The following EXO1 variants were observed in gnomAD, a reference collection of about 807,000 sequenced individuals.
The protein encoded by EXO1 is exonuclease 1.
EXO1 carries 69 observed loss-of-function variants against 84.5 expected under a neutral mutation model. That is an observed-to-expected ratio of 0.82 (90% CI 0.67 to 1.00). The LOEUF (loss-of-function observed/expected upper bound fraction) is 1.00, where lower values mean the gene tolerates loss of function less well. EXO1 is among the 50% of genes least tolerant of loss of function. The pLI is 0.00. For synonymous variants in EXO1, 373 were observed against 366.1 expected (o/e 1.02, Z -0.21); for missense variants, 1,045 against 1,000.7 (o/e 1.04, Z -0.60).
At chr1:241,863,246 A>G (rs1453186451) in intron 10 of EXO1, among the ~76,000 whole-genome samples, 1 of 152,174 alleles carries the variant, frequency 6.6e-6, no homozygotes, top group Non-Finnish European at 1.5e-5. Context: ...AGATGAGGAA[A>G]CAATTAGAGG....
At chr1:241,870,105 T>G (rs2298932) in intron 11 of EXO1, among the ~76,000 whole-genome samples, 1 of 152,146 alleles carries the variant, frequency 6.6e-6, no homozygotes, top group African/African-American at 2.4e-5. Flanking sequence ...CCACTGCGCC[T>G]GGCCTGTACA....
At chr1:241,883,905 CCAT>C (rs1662905512) in intron 14 of EXO1, among the ~76,000 whole-genome samples, 1 of 152,064 alleles carries the variant, frequency 6.6e-6, no homozygotes, top group African/African-American at 2.4e-5. Context: ...AGATAGTAAA[CCAT>C]CATATTATTA....
intron 8 of EXO1, 135 bp from the exon 9 acceptor site, chr1:241,860,382 T>C (rs1454410491): frequency 2.8e-6 from 2 of 710,420 alleles, no homozygotes; most frequent in Non-Finnish European, 5.0e-6. Flanking sequence ...TTGTGTTAGC[T>C]GGTAGAATTT....
chr1:241,876,439 G>A (rs1447571401), intron 12 of EXO1, among the ~76,000 whole-genome samples: 1 of 151,836 alleles, frequency 6.6e-6, no homozygotes, highest in African/African-American at 2.4e-5. Flanking sequence ...AAAATTAGCT[G>A]GGCGTAGTGG....
intron 15 of EXO1, among the ~76,000 whole-genome samples, chr1:241,887,456 A>G (rs779339605): frequency 6.6e-5 from 10 of 152,236 alleles, no homozygotes; most frequent in Non-Finnish European, 1.5e-4. Context: ...ATTTTATTAT[A>G]CAATATAAGA....
Position 241,848,539 on chromosome 1 carries a change from G to A in EXO1, c.-420+186G>A, listed in dbSNP as rs1051060987. Among the ~76,000 whole-genome samples, 4 of 152,132 alleles carry A rather than the reference G, an allele frequency of 2.6e-5. No homozygotes were observed. Among genetic ancestry groups the A allele is most frequent in the African/African-American group, 9.7e-5 (4 of 41,420 alleles). ...TGGAGTATGTGTTTTGTTCCGAGGG[G>A]ACGTCTGGCAACCAGAGGTCTGCAG... On this transcript the variant is annotated intron_variant, in intron 1 of 15. Transcript: ENST00000366548. The surrounding 1 kb of genome is among the most constrained non-coding windows in gnomAD (Gnocchi z 4.2).
At position 241,867,031 on chromosome 1, in the gene EXO1, TC is replaced by T. The variant is rs757055833; in HGVS notation, c.1245del (p.Ile416LeufsTer2). On this transcript the variant is annotated frameshift_variant, in exon 11 of 16. Coordinates refer to ENST00000366548, the MANE Select transcript of EXO1 (RefSeq NM_130398.4). LOFTEE classifies it high-confidence loss of function. ...TKGLNLPRKSSIVKRPRSAEL... is the reference protein window; with the variant it reads ...TKGLNLPRKSXIVKRPRSAEL... ...AGGGTTAAATCTCCCAAGGAAATCATCCATTGTGAAAAGACCAAGAAGTGGT... is the reference window on the plus strand; with the variant it reads ...AGGGTTAAATCTCCCAAGGAAATCATCATTGTGAAAAGACCAAGAAGTGGT... 6.2e-7 allele frequency: 1 copy of T among 1,613,708 alleles called. No homozygotes were observed. Among genetic ancestry groups the T allele is most frequent in the East Asian group, 2.2e-5 (1 of 44,872 alleles).
rs1194135487 is a variant in EXO1 at position 241,848,425 on chromosome 1, C to A, written c.-420+72C>A. 3 of 152,332 alleles carry A rather than the reference C, an allele frequency of 2.0e-5. No individual in the cohort carries two copies. Among genetic ancestry groups the A allele is most frequent in the African/African-American group, 4.8e-5 (2 of 41,438 alleles). The allele number at this position is 152,332 out of a possible 1,614,324, so 9.4% of individuals were successfully genotyped here. A position where few individuals can be genotyped will look rare whatever the true frequency, so the allele number is the denominator to read the frequency against. ...GGGTCGACCTGCGCGTCACCTCCGA[C>A]CCTCCTCTCGGGATTCGGGTCTTCC... On this transcript the variant is annotated intron_variant, in intron 1 of 15. Transcript: ENST00000366548. This position sits in a 1 kb window ranked among gnomAD's most constrained non-coding sequence, Gnocchi z 4.2.
intron 12 of EXO1, 56 bp from the exon 13 acceptor site, chr1:241,878,693 G>T (rs1435780770): frequency 1.8e-6 from 2 of 1,093,030 alleles, no homozygotes; most frequent in Non-Finnish European, 1.4e-6. Context: ...GACACCCCTT[G>T]AGAAAACTCT....
chr1:241,881,987 C>A lies in EXO1; in HGVS notation c.2181C>A (p.Phe727Leu). 6.4e-7 allele frequency: 1 copy of A among 1,572,326 alleles called. No individual in the cohort carries two copies. Among genetic ancestry groups the A allele is most frequent in the Non-Finnish European group, 8.7e-7 (1 of 1,144,436 alleles). ...CCTCCAAGCTACGTTTATCTCATTT[C>A]TCAAAAAAAGACACACCTCTAAGGA... Reference protein sequence around the residue: ...DQTSKLRLSHFSKKDTPLRNK... With the variant: ...DQTSKLRLSHLSKKDTPLRNK... Residue 727 changes from phenylalanine (F) to leucine (L), a missense_variant, in exon 14 of 16, where the codon TTC becomes TTA. By Grantham distance (22) the Phe-to-Leu change is conservative. Coordinates refer to ENST00000366548, the MANE Select transcript of EXO1 (RefSeq NM_130398.4).
rs760986149 is a variant in EXO1 at position 241,889,447 on chromosome 1, T to G, written c.2406-18T>G. The G allele has an allele frequency of 5.0e-6, 8 of 1,609,284 alleles. No individual in the cohort carries two copies. In the East Asian group the frequency reaches 1.6e-4, roughly 31 times the overall value. On this transcript the variant is annotated intron_variant, in intron 15 of 15. Coordinates refer to ENST00000366548, the MANE Select transcript of EXO1 (RefSeq NM_130398.4). ...CAGTACCTTAAAAATACCAAATGTA[T>G]TTTATTGTATTTTGCAGAGATTCTG...
intron 12 of EXO1, among the ~76,000 whole-genome samples, chr1:241,877,004 C>T (rs1037841171): frequency 5.3e-5 from 8 of 152,168 alleles, no homozygotes; most frequent in African/African-American, 1.9e-4. Flanking sequence ...TGCCATAATG[C>T]CTAGTCATTA....
At chr1:241,883,483 C>T (rs913289227) in intron 14 of EXO1, among the ~76,000 whole-genome samples, 12 of 152,102 alleles carry the variant, frequency 7.9e-5, no homozygotes, top group African/African-American at 2.7e-4. Flanking sequence ...GGGCTCTACT[C>T]TCATGATCTA....
At position 241,865,177 on chromosome 1, in the gene EXO1, T is replaced by TTATA. The variant is rs10570422; in HGVS notation, c.1042-1637_1042-1634dup. On this transcript the variant is annotated intron_variant, in intron 10 of 15. Transcript: ENST00000366548. ...GGAGCCACCACACCTGGCCACAGCA[T>TTATA]TATATATATATATATATATTTTTTG... 8.2e-3 allele frequency among the ~76,000 whole-genome samples: 1,079 copies of TTATA among 131,254 alleles called. 12 individuals are homozygous for TTATA. The highest frequency in any genetic ancestry group is 0.027 in the African/African-American group (1,028 of 37,508). The allele number at this position is 131,254 out of a possible 152,430, so 86.1% of individuals were successfully genotyped here.
At position 241,857,459 on chromosome 1, in the gene EXO1, C is replaced by T; in HGVS notation, c.520C>T (p.Leu174Phe). The T allele has an allele frequency of 6.2e-7, 1 of 1,613,838 alleles. No individual in the cohort carries two copies. Among genetic ancestry groups the T allele is most frequent in the Non-Finnish European group, 8.5e-7 (1 of 1,179,918 alleles). Reference protein sequence around the residue: ...VQAIITEDSDLLAFGCKKVIL... With the variant: ...VQAIITEDSDFLAFGCKKVIL... ...AGCCATAATTACAGAGGACTCGGAT[C>T]TCCTAGCTTTTGGCTGTAAAAAGGT... is the stretch of plus-strand genomic sequence containing the variant. The change falls in exon 7 of 16, where the codon CTC becomes TTC. Residue 174 changes from leucine to phenylalanine, a missense_variant. Coordinates refer to ENST00000366548, the MANE Select transcript of EXO1 (RefSeq NM_130398.4).
At chr1:241,878,373 T>C (rs1272681520) in intron 12 of EXO1, among the ~76,000 whole-genome samples, 1 of 152,036 alleles carries the variant, frequency 6.6e-6, no homozygotes, top group Non-Finnish European at 1.5e-5. Context: ...GGCGCATGCC[T>C]GTAATCCCAC....
chr1:241,866,700 A>C, intron 10 of EXO1, 130 bp from the exon 11 acceptor site: 1 of 729,856 alleles, frequency 1.4e-6, no homozygotes, highest in South Asian at 1.5e-5. Context: ...ATTCAAGGAC[A>C]GCTGTTTCAT....
intron 15 of EXO1, 73 bp from the exon 16 acceptor site, chr1:241,889,392 G>A (rs1041376839): frequency 3.0e-6 from 4 of 1,339,968 alleles, no homozygotes; most frequent in Non-Finnish European, 4.3e-6. Flanking sequence ...CCTCTATTTT[G>A]TCCAGGTAGA....
intron 11 of EXO1, among the ~76,000 whole-genome samples, chr1:241,868,230 G>A (rs1661861227): frequency 6.6e-6 from 1 of 152,058 alleles, no homozygotes; most frequent in Admixed American, 6.6e-5. Flanking sequence ...CAAAAAATTA[G>A]CCAGGCATGG....
Sources: gnomAD v4.1 joint callset for allele counts (sites outside exome capture counted in the v4.1 genomes callset) on GRCh38, gnomAD v4.1.1 for gene constraint, Gnocchi (gnomAD v3.1) non-coding constraint, MANE v1.5 for transcripts, NCBI Gene and HGNC (gene_info 2026-07-23, HGNC 2026-07-21) for gene names.